The following DLGAP3 variants were observed in gnomAD, a reference collection of about 807,000 sequenced individuals.
The protein encoded by DLGAP3 is DLG associated protein 3.
DLGAP3 carries 17 observed loss-of-function variants against 81.2 expected under a neutral mutation model. The observed-to-expected ratio is 0.21, with a 90% confidence interval of 0.14 to 0.31. The LOEUF (loss-of-function observed/expected upper bound fraction) is 0.31. Ranked by LOEUF, DLGAP3 falls within the 10% of genes least tolerant of loss-of-function variation. The pLI is 1.00. For missense variants in DLGAP3, 1,124 were observed against 1,388.0 expected (o/e 0.81, Z 3.02); for synonymous variants, 577 against 587.4 (o/e 0.98, Z 0.26).
chr1:34,881,318 C>G (rs893790651), intron 8 of DLGAP3, among the ~76,000 whole-genome samples: 22 of 152,230 alleles, frequency 1.4e-4, no homozygotes, highest in African/African-American at 5.3e-4. Flanking sequence ...ACACCCTCCA[C>G]ATTGCTTCCC....
Position 34,904,748 on chromosome 1 carries a change from G to A in DLGAP3, c.636C>T (p.Pro212=), listed in dbSNP as rs369834187. 46 of 1,611,664 alleles carry A rather than the reference G, an allele frequency of 2.9e-5. No individual in the cohort carries two copies. Among genetic ancestry groups the A allele is most frequent in the Admixed American group, 6.7e-5 (4 of 60,020 alleles). The change falls in exon 3 of 12, where the codon CCC becomes CCT. Residue 212 remains proline (P), a synonymous_variant. Transcript: ENST00000373347. The surrounding 1 kb of genome is among the most constrained non-coding windows in gnomAD (Gnocchi z 8.1). ...GRGGSGGDSY[P]GPGSGGPHTS... ...TGTGGGGGCCTCCAGAGCCCGGGCC[G>A]GGGTAGCTGTCTCCTCCAGAGCCAC...
chr1:34,895,683 A>G lies in DLGAP3; in HGVS notation c.1386+3986T>C, dbSNP rs1639370240. Among the ~76,000 whole-genome samples, 1 of 152,158 alleles carries G rather than the reference A, an allele frequency of 6.6e-6. No homozygotes were observed. Among genetic ancestry groups the G allele is most frequent in the Non-Finnish European group, 1.5e-5 (1 of 68,024 alleles). ...CAGCTTACCAAAATCAATCCTTACC[A>G]CACAGTTACAGCAATCAAAGCATGT... is the stretch of plus-strand genomic sequence containing the variant. On this transcript the variant is annotated intron_variant, in intron 5 of 11. Transcript: ENST00000373347. The surrounding 1 kb of genome is among the most constrained non-coding windows in gnomAD (Gnocchi z 4.5).
At chr1:34,877,589 C>G (rs1639077499) in intron 8 of DLGAP3, among the ~76,000 whole-genome samples, 1 of 152,144 alleles carries the variant, frequency 6.6e-6, no homozygotes, top group South Asian at 2.1e-4. Context: ...CAGCTGATTT[C>G]ACAGAGACTT....
chr1:34,923,171 C>T (rs953188029), intron 1 of DLGAP3, among the ~76,000 whole-genome samples: 2 of 152,208 alleles, frequency 1.3e-5, no homozygotes, highest in Non-Finnish European at 2.9e-5. Flanking sequence ...TTCCTCCCAG[C>T]ACCTCTGGGT....
At chr1:34,882,251 C>T (rs1639157006) in intron 8 of DLGAP3, among the ~76,000 whole-genome samples, 1 of 152,080 alleles carries the variant, frequency 6.6e-6, no homozygotes, top group South Asian at 2.1e-4. Context: ...CCGAGGCGGG[C>T]TGATCACCTG....
intron 1 of DLGAP3, among the ~76,000 whole-genome samples, chr1:34,921,515 T>G (rs939659310): frequency 6.6e-6 from 1 of 152,198 alleles, no homozygotes; most frequent in Non-Finnish European, 1.5e-5. Flanking sequence ...CACTTATGTG[T>G]GTCTACCCTC....
intron 6 of DLGAP3, 71 bp downstream of exon 6, chr1:34,886,001 G>C (rs1318275126): frequency 6.9e-7 from 1 of 1,446,388 alleles, no homozygotes; most frequent in East Asian, 2.4e-5. Context: ...ACAGTCGAGG[G>C]GGAGGCCAGA....
Position 34,885,484 on chromosome 1 carries a change from C to A in DLGAP3, c.1908G>T (p.Gly636=). The change falls in exon 7 of 12, where the codon GGG becomes GGT. Residue 636 remains glycine, a synonymous_variant. Coordinates refer to ENST00000373347, the MANE Select transcript of DLGAP3 (RefSeq NM_001080418.3). ...ARQRKWRPSI[G]VQVETISDSD... ...GCGCCTCCCCGTTCCATACCTGCAC[C>A]CCAATGGACGGCCGCCACTTCCGCT... is the stretch of plus-strand genomic sequence containing the variant. 1.9e-6 allele frequency: 3 copies of A among 1,606,608 alleles called. No homozygotes were observed. The highest frequency in any genetic ancestry group is 2.5e-6 in the Non-Finnish European group (3 of 1,179,778).
chr1:34,899,822 T>C (rs1248342233), intron 4 of DLGAP3, 81 bp from the exon 5 acceptor site: 1 of 1,324,696 alleles, frequency 7.5e-7, no homozygotes, highest in Non-Finnish European at 1.1e-6. Flanking sequence ...CTGGGGCCCC[T>C]GAGTAAGTCC....
chr1:34,892,133 G>GA (rs1639320048), intron 5 of DLGAP3, among the ~76,000 whole-genome samples: 1 of 152,106 alleles, frequency 6.6e-6, no homozygotes, highest in Non-Finnish European at 1.5e-5. Flanking sequence ...TGACAACAAT[G>GA]ACTTCATGAA....
rs551739635 is a variant in DLGAP3, at chr1:34,878,252, G to A, written c.2000+6726C>T. Among the ~76,000 whole-genome samples, 84 of 152,246 alleles carry A rather than the reference G, an allele frequency of 5.5e-4. 1 individual carries two copies. In the South Asian group the frequency reaches 0.016, roughly 30 times the overall value. ...AACCCAGGAAGCGAGGTTGCAGTGA[G>A]CTGAGATCACGCCAATGCACTCCAG... is the stretch of plus-strand genomic sequence containing the variant. On this transcript the variant is annotated intron_variant, in intron 8 of 11. Transcript: ENST00000373347.
intron 5 of DLGAP3, among the ~76,000 whole-genome samples, chr1:34,899,465 C>T (rs1355864117): frequency 6.6e-6 from 1 of 152,222 alleles, no homozygotes; most frequent in Non-Finnish European, 1.5e-5. Context: ...ACTTTGAGGA[C>T]ACTTGGTGGG....
At chr1:34,883,243 C>T (rs913853878) in intron 8 of DLGAP3, among the ~76,000 whole-genome samples, 1 of 152,212 alleles carries the variant, frequency 6.6e-6, no homozygotes, top group African/African-American at 2.4e-5. Context: ...AAGCATTTAA[C>T]ACAGTGCATA....
intron 5 of DLGAP3, among the ~76,000 whole-genome samples, chr1:34,886,986 G>A (rs1357251543): frequency 1.2e-4 from 13 of 110,256 alleles, no homozygotes; most frequent in Non-Finnish European, 1.8e-4. Flanking sequence ...ACAGAGTCTC[G>A]CTCAGTTGCC....
intron 8 of DLGAP3, among the ~76,000 whole-genome samples, chr1:34,871,868 G>A (rs1436747189): frequency 6.6e-6 from 1 of 152,154 alleles, no homozygotes; most frequent in Non-Finnish European, 1.5e-5. Context: ...CTGCCTCAGT[G>A]AGCTCTCTCA....
intron 1 of DLGAP3, among the ~76,000 whole-genome samples, chr1:34,911,023 C>CCCA (rs1553124113): frequency 1.3e-4 from 1 of 7,612 alleles, no homozygotes; most frequent in African/African-American, 2.4e-4. Context: ...ATATTATCCA[C>CCCA]CCCCCCCCCA....
chr1:34,918,843 C>A (rs1368195953), intron 1 of DLGAP3, among the ~76,000 whole-genome samples: 2 of 152,206 alleles, frequency 1.3e-5, no homozygotes, highest in African/African-American at 2.4e-5. Flanking sequence ...AGAGCTGGAA[C>A]ACCAGCCCCA....
At chr1:34,889,466 C>A (rs1569623410) in intron 5 of DLGAP3, among the ~76,000 whole-genome samples, 1 of 152,332 alleles carries the variant, frequency 6.6e-6, no homozygotes, top group Non-Finnish European at 1.5e-5. Flanking sequence ...ACCCTGCTTC[C>A]CCCAACATCC....
chr1:34,882,300 C>T (rs1286752052), intron 8 of DLGAP3, among the ~76,000 whole-genome samples: 1 of 152,040 alleles, frequency 6.6e-6, no homozygotes, highest in African/African-American at 2.4e-5. Context: ...AACATGGCAA[C>T]ACCCCATCTC....
Sources: allele counts gnomAD v4.1 joint callset (sites outside exome capture counted in the v4.1 genomes callset), GRCh38; gene constraint gnomAD v4.1.1; non-coding constraint Gnocchi (gnomAD v3.1); transcripts MANE v1.5; gene names NCBI Gene and HGNC (gene_info 2026-07-23, HGNC 2026-07-21).